GOLM1: variants seen among roughly 807,000 people sequenced by gnomAD.
The protein encoded by GOLM1 is epididymis luminal protein 46.
In GOLM1, 31 loss-of-function variants were observed where a neutral mutation model predicts 50.5. The observed-to-expected ratio is 0.61, with a 90% CI of 0.46 to 0.83. The LOEUF is 0.83. Among genes scored for constraint, GOLM1 ranks in the 40% least tolerant of loss-of-function variants. The pLI, the probability that GOLM1 is intolerant of heterozygous loss-of-function variation, is 0.00. For synonymous variants in GOLM1, 178 were observed against 192.8 expected (o/e 0.92, Z 0.64); for missense variants, 491 against 501.3 (o/e 0.98, Z 0.20).
chr9:86,093,802 A>G (rs1350412705), intron 1 of GOLM1, among the ~76,000 whole-genome samples: 3 of 152,216 alleles, frequency 2.0e-5, no homozygotes, highest in African/African-American at 7.2e-5. Context: ...GTCAAATATT[A>G]TGTTTAACAT....
chr9:86,027,009 G>T lies in GOLM1; in HGVS notation c.*808C>A, dbSNP rs993318583. ...TTGCCTCTCACCATGCTCTGCTCCA[G>T]GTCAGCCCCCTTTTGGCCTGTTTGT... is the stretch of plus-strand genomic sequence containing the variant. On this transcript the variant is annotated 3_prime_UTR_variant, in exon 10 of 10. Transcript: ENST00000388712. 4.5e-5 allele frequency: 44 copies of T among 985,142 alleles called. No homozygotes were observed. Among genetic ancestry groups the T allele is most frequent in the Admixed American group, 6.2e-5 (1 of 16,238 alleles). The allele number at this position is 985,142 out of a possible 1,614,324, so 61.0% of individuals were successfully genotyped here.
At chr9:86,067,051 T>C (rs1189674320) in intron 3 of GOLM1, among the ~76,000 whole-genome samples, 1 of 152,220 alleles carries the variant, frequency 6.6e-6, no homozygotes, top group African/African-American at 2.4e-5. Context: ...TTCTCCTGCC[T>C]TAGCCTCCCA....
chr9:86,051,723 C>A (rs1032155723), intron 4 of GOLM1, among the ~76,000 whole-genome samples: 4 of 152,054 alleles, frequency 2.6e-5, no homozygotes, highest in African/African-American at 9.7e-5. Context: ...CAAACTGAAC[C>A]TTTATGTGAG....
chr9:86,035,866 C>CAAAAAAAAAA (rs1276980708), intron 7 of GOLM1, among the ~76,000 whole-genome samples: 572 of 46,500 alleles, frequency 0.012, 28 homozygotes, highest in East Asian at 0.028. Context: ...AGTAGCTTAC[C>CAAAAAAAAAA]AAAAAAAAAA....
intron 2 of GOLM1, among the ~76,000 whole-genome samples, chr9:86,078,785 C>T (rs1423892432): frequency 6.6e-6 from 1 of 152,202 alleles, no homozygotes; most frequent in Non-Finnish European, 1.5e-5. Context: ...CCTTTAAAAA[C>T]ATATTTCTTA....
intron 2 of GOLM1, chr9:86,077,874 T>A (rs1834666230): frequency 5.0e-6 from 2 of 402,354 alleles, no homozygotes; most frequent in Admixed American, 8.0e-5. Context: ...ACAGAATGCC[T>A]CATGCTTTAC....
At chr9:86,036,717 T>C (rs1833158324) in intron 6 of GOLM1, 5 of 579,148 alleles carry the variant, frequency 8.6e-6, no homozygotes, top group Admixed American at 3.1e-5. Context: ...TCCCAGAAAG[T>C]ACTGTCAATA....
At chr9:86,053,552 A>AGCACAC (rs1833859345) in intron 3 of GOLM1, among the ~76,000 whole-genome samples, 1 of 92 alleles carries the variant, frequency 0.011, no homozygotes, top group Non-Finnish European at 0.026. Context: ...CACCAAACAC[A>AGCACAC]CACTACACAC....
At chr9:86,062,389 GGA>G (rs1020203447) in intron 3 of GOLM1, among the ~76,000 whole-genome samples, 10 of 152,018 alleles carry the variant, frequency 6.6e-5, no homozygotes, top group Non-Finnish European at 1.3e-4. Flanking sequence ...TGGGGAGGGA[GGA>G]GAGAGGATGG....
intron 1 of GOLM1, among the ~76,000 whole-genome samples, chr9:86,087,516 G>A (rs541435925): frequency 4.6e-4 from 70 of 152,258 alleles, no homozygotes; most frequent in Non-Finnish European, 9.6e-4. Flanking sequence ...CTTGTCTTGT[G>A]GCAGTTTTCA....
chr9:86,036,839 C>A (rs572790972), intron 6 of GOLM1: 4 of 263,636 alleles, frequency 1.5e-5, no homozygotes, highest in Non-Finnish European at 2.8e-5. Flanking sequence ...TACTCCTTGA[C>A]GAAACAAACA....
In GOLM1 at chr9:86,089,538, T is replaced by C. The variant is rs527574674; in HGVS notation, c.-22+9873A>G. 4.9e-4 allele frequency among the ~76,000 whole-genome samples: 75 copies of C among 152,238 alleles called. No homozygotes were observed. In the South Asian group the frequency reaches 0.015, roughly 29 times the overall value. On this transcript the variant is annotated intron_variant, in intron 1 of 9. Coordinates refer to ENST00000388712, the MANE Select transcript of GOLM1 (RefSeq NM_016548.4). ...CGACCTCTGATATCCTTTCTTCCGC[T>C]TGACCGATTTGGCTATTGATACTTG...
At chr9:86,088,418 GTGTATATATATATATATATATATATATA>G (rs1483400626) in intron 1 of GOLM1, among the ~76,000 whole-genome samples, 6 of 60,060 alleles carry the variant, frequency 1.0e-4, no homozygotes, top group African/African-American at 6.5e-4. Context: ...TTTTTGAAGG[GTGTATATATATATATATATATATATATA>G]TATATATATA....
chr9:86,088,420 G>GTGTGCATATATATATA (rs1157260470), intron 1 of GOLM1, among the ~76,000 whole-genome samples: 18 of 86,306 alleles, frequency 2.1e-4, no homozygotes, highest in African/African-American at 7.5e-4. Context: ...TTTGAAGGGT[G>GTGTGCATATATATATA]TATATATATA....
intron 4 of GOLM1, among the ~76,000 whole-genome samples, chr9:86,050,074 A>C (rs907943583): frequency 2.6e-5 from 4 of 152,198 alleles, no homozygotes; most frequent in African/African-American, 7.2e-5. Context: ...TTTAGCATGA[A>C]GGGCTGTTGA....
At chr9:86,073,952 T>TG (rs1217368331) in intron 3 of GOLM1, among the ~76,000 whole-genome samples, 1 of 152,154 alleles carries the variant, frequency 6.6e-6, no homozygotes, top group Non-Finnish European at 1.5e-5. Flanking sequence ...AACAGGTGTT[T>TG]GTTCACATTT....
intron 1 of GOLM1, among the ~76,000 whole-genome samples, chr9:86,091,435 A>C (rs1835182724): frequency 6.6e-6 from 1 of 152,208 alleles, no homozygotes; most frequent in Non-Finnish European, 1.5e-5. Context: ...AGAAGTAAGG[A>C]AATACAAAGA....
At chr9:86,088,221 T>C (rs1367603290) in intron 1 of GOLM1, among the ~76,000 whole-genome samples, 3 of 151,872 alleles carry the variant, frequency 2.0e-5, no homozygotes, top group African/African-American at 7.3e-5. Context: ...TCTAGTTTAT[T>C]TGCGTAGAGG....
intron 3 of GOLM1, among the ~76,000 whole-genome samples, chr9:86,056,511 T>A (rs1223313866): frequency 6.7e-6 from 1 of 148,392 alleles, no homozygotes; most frequent in African/African-American, 2.4e-5. Flanking sequence ...TAAATTTTTT[T>A]TTTTTTTTTT....
Sources: gnomAD v4.1 joint callset for allele counts (sites outside exome capture counted in the v4.1 genomes callset) on GRCh38, gnomAD v4.1.1 for gene constraint, MANE v1.5 for transcripts, NCBI Gene and HGNC (gene_info 2026-07-23, HGNC 2026-07-21) for gene names.